The following NPAS3 variants were observed in gnomAD, a reference collection of about 807,000 sequenced individuals.
NPAS3 encodes the protein neuronal PAS domain-containing protein 3.
NPAS3 carries 14 observed loss-of-function variants against 73.1 expected under a neutral mutation model. The observed-to-expected ratio is 0.19, with a 90% CI of 0.13 to 0.30. The LOEUF (loss-of-function observed/expected upper bound fraction) is 0.30. NPAS3 is among the 10% of genes least tolerant of loss of function. NPAS3 has a pLI of 1.00. For synonymous variants in NPAS3, 620 were observed against 541.5 expected (o/e 1.14, Z -2.01); for missense variants, 1,096 against 1,250.0 (o/e 0.88, Z 1.86).
At chr14:33,793,202 C>T (rs1311726309) in intron 9 of NPAS3, among the ~76,000 whole-genome samples, 1 of 152,224 alleles carries the variant, frequency 6.6e-6, no homozygotes, top group Non-Finnish European at 1.5e-5. Context: ...ATTTCAGAGT[C>T]TGTGTGGAGC....
intron 4 of NPAS3, among the ~76,000 whole-genome samples, chr14:33,533,545 C>T (rs965016022): frequency 4.6e-5 from 7 of 152,112 alleles, no homozygotes; most frequent in African/African-American, 1.7e-4. Context: ...ATATTGAAAA[C>T]AATTTGGCAA....
chr14:33,612,291 A>T (rs1216549772), intron 5 of NPAS3: 1 of 414,330 alleles, frequency 2.4e-6, no homozygotes, highest in African/African-American at 2.1e-5. Flanking sequence ...CTCTCTTTCC[A>T]TTCACATTTG....
intron 9 of NPAS3, chr14:33,780,593 T>C (rs1261437150): frequency 2.2e-6 from 1 of 450,052 alleles, no homozygotes; most frequent in Non-Finnish European, 4.4e-6. Flanking sequence ...TTGGAAAACA[T>C]CATGCATCAT....
At chr14:33,519,266 A>G (rs2053452037) in intron 4 of NPAS3, among the ~76,000 whole-genome samples, 1 of 152,074 alleles carries the variant, frequency 6.6e-6, no homozygotes, top group Admixed American at 6.6e-5. Flanking sequence ...TCAGTATCCT[A>G]GTCTGCCATC....
intron 6 of NPAS3, among the ~76,000 whole-genome samples, chr14:33,686,861 C>T (rs1870235854): frequency 6.6e-6 from 1 of 152,132 alleles, no homozygotes; most frequent in African/African-American, 2.4e-5. Context: ...TTTGAGTAGT[C>T]TTCCCTATAA....
At chr14:33,216,990 C>A (rs948685017) in intron 3 of NPAS3, among the ~76,000 whole-genome samples, 1 of 152,088 alleles carries the variant, frequency 6.6e-6, no homozygotes, top group Non-Finnish European at 1.5e-5. Flanking sequence ...AAAAACTACC[C>A]GAGAATGGAT....
At chr14:33,720,988 T>C (rs2061092714) in intron 6 of NPAS3, among the ~76,000 whole-genome samples, 1 of 152,144 alleles carries the variant, frequency 6.6e-6, no homozygotes, top group South Asian at 2.1e-4. Context: ...TCTGCATGTA[T>C]CTAAATGCTT....
chr14:33,169,028 C>T (rs1419329462), intron 2 of NPAS3, among the ~76,000 whole-genome samples: 1 of 152,162 alleles, frequency 6.6e-6, no homozygotes, highest in Non-Finnish European at 1.5e-5. Flanking sequence ...TACAGTAGAA[C>T]ACTTCATAAG....
At chr14:33,613,803 T>G (rs781414286) in intron 5 of NPAS3, among the ~76,000 whole-genome samples, 1 of 125,844 alleles carries the variant, frequency 7.9e-6, no homozygotes, top group Admixed American at 7.4e-5. Flanking sequence ...TTTAAGATCC[T>G]TCTTTGACCT....
intron 6 of NPAS3, among the ~76,000 whole-genome samples, chr14:33,697,475 G>T (rs1157401963): frequency 6.6e-6 from 1 of 152,162 alleles, no homozygotes; most frequent in Non-Finnish European, 1.5e-5. Context: ...ATTTAATTAT[G>T]AGGGCCGGGG....
intron 1 of NPAS3, among the ~76,000 whole-genome samples, chr14:32,985,944 A>T (rs2038078434): frequency 6.6e-6 from 1 of 152,200 alleles, no homozygotes; most frequent in Non-Finnish European, 1.5e-5. Context: ...TTCATAATTG[A>T]CATGGCTTCC....
chr14:33,387,685 G>A (rs572404108), intron 4 of NPAS3, among the ~76,000 whole-genome samples: 12 of 152,116 alleles, frequency 7.9e-5, no homozygotes, highest in African/African-American at 2.2e-4. Context: ...TCCAGTCCCC[G>A]GAATAAAAGA....
intron 5 of NPAS3, among the ~76,000 whole-genome samples, chr14:33,598,262 T>A (rs866690999): frequency 1.3e-5 from 2 of 152,330 alleles, no homozygotes; most frequent in South Asian, 2.1e-4. Flanking sequence ...ACATTCCAGT[T>A]TTTCCATCCT....
At chr14:33,191,414 T>C (rs1566658015) in intron 2 of NPAS3, among the ~76,000 whole-genome samples, 1 of 152,154 alleles carries the variant, frequency 6.6e-6, no homozygotes. Context: ...TAGAAGCAAC[T>C]AAATAATTAT....
intron 4 of NPAS3, among the ~76,000 whole-genome samples, chr14:33,380,929 A>C (rs1179831986): frequency 6.6e-6 from 1 of 152,122 alleles, no homozygotes; most frequent in East Asian, 1.9e-4. Context: ...GGTTGATACA[A>C]TGTTTTAGTA....
chr14:33,625,419 T>C (rs1026325183), intron 5 of NPAS3, among the ~76,000 whole-genome samples: 5 of 152,202 alleles, frequency 3.3e-5, no homozygotes, highest in Non-Finnish European at 5.9e-5. Context: ...CTTGGTTTGC[T>C]TGTGACAAAT....
intron 7 of NPAS3, among the ~76,000 whole-genome samples, chr14:33,768,896 A>T (rs1595579370): frequency 6.6e-6 from 1 of 152,224 alleles, no homozygotes; most frequent in African/African-American, 2.4e-5. Flanking sequence ...ACATTCACCT[A>T]CTTAACTTTA....
chr14:33,646,612 T>A (rs11622789), intron 5 of NPAS3, among the ~76,000 whole-genome samples: 1 of 152,010 alleles, frequency 6.6e-6, no homozygotes, highest in Non-Finnish European at 1.5e-5. Flanking sequence ...ATAGGTATCT[T>A]ACCACAGCAG....
intron 6 of NPAS3, among the ~76,000 whole-genome samples, chr14:33,678,927 A>G (rs148815786): frequency 6.6e-6 from 1 of 152,342 alleles, no homozygotes; most frequent in Non-Finnish European, 1.5e-5. Context: ...CTAGTAGAAC[A>G]CAGTTCTTAC....
Sources: allele counts gnomAD v4.1 joint callset (sites outside exome capture counted in the v4.1 genomes callset), GRCh38; gene constraint gnomAD v4.1.1; transcripts MANE v1.5; gene names NCBI Gene and HGNC (gene_info 2026-07-23, HGNC 2026-07-21).